The following EXOC2 variants were observed in gnomAD, a reference collection of about 807,000 sequenced individuals.
EXOC2 encodes exocyst complex component 2, also known as SEC5-like 1.
In EXOC2, 70 loss-of-function variants were observed where a neutral mutation model predicts 131.8. That is an observed-to-expected ratio of 0.53 (90% CI 0.44 to 0.65). The LOEUF (loss-of-function observed/expected upper bound fraction) is 0.65, where lower values mean the gene tolerates loss of function less well. EXOC2 is among the 30% of genes least tolerant of loss of function. EXOC2 has a pLI of 0.00. For missense variants in EXOC2, 923 were observed against 1,108.6 expected (o/e 0.83, Z 2.38); for synonymous variants, 411 against 398.4 (o/e 1.03, Z -0.38).
intron 2 of EXOC2, among the ~76,000 whole-genome samples, chr6:635,767 A>G (rs964903374): frequency 3.9e-5 from 6 of 152,270 alleles, no homozygotes; most frequent in Non-Finnish European, 7.3e-5. Flanking sequence ...CATGGTTTAG[A>G]AAAGTAATAC....
At chr6:532,378 G>T in intron 23 of EXOC2, 91 bp downstream of exon 23, 1 of 1,295,696 alleles carries the variant, frequency 7.7e-7, no homozygotes. Context: ...GTAGATATGA[G>T]AAAAATGAGA....
intron 3 of EXOC2, among the ~76,000 whole-genome samples, chr6:630,269 T>G (rs1165967859): frequency 6.6e-6 from 1 of 152,174 alleles, no homozygotes; most frequent in African/African-American, 2.4e-5. Flanking sequence ...ATTTTACAAA[T>G]AATAAACACT....
intron 23 of EXOC2, among the ~76,000 whole-genome samples, chr6:515,225 C>G (rs1262997057): frequency 6.6e-6 from 1 of 152,186 alleles, no homozygotes; most frequent in Non-Finnish European, 1.5e-5. Flanking sequence ...AACTTACTTC[C>G]ACCCCACTCC....
intron 1 of EXOC2, among the ~76,000 whole-genome samples, chr6:643,865 C>T (rs1269765720): frequency 6.6e-6 from 1 of 151,964 alleles, no homozygotes; most frequent in East Asian, 1.9e-4. Flanking sequence ...ACCATAGATA[C>T]TAAAGACATT....
intron 4 of EXOC2, among the ~76,000 whole-genome samples, chr6:623,771 G>A (rs1376238646): frequency 3.9e-5 from 6 of 152,164 alleles, no homozygotes; most frequent in African/African-American, 9.7e-5. Context: ...CAGTGATGTC[G>A]GAGGAAGGTC....
In EXOC2 at chr6:486,626, CTTATTACGTG is replaced by C; in HGVS notation, c.*35_*44del. ...TTAGGGTACTTAGAGAGTGAACAGT[CTTATTACGTG>C]TTATTTTCCTGGACTTCTTTTATGT... On this transcript the variant is annotated 3_prime_UTR_variant, in exon 28 of 28. Coordinates refer to ENST00000230449, the MANE Select transcript of EXOC2 (RefSeq NM_018303.6). 2 of 1,513,038 alleles carry C rather than the reference CTTATTACGTG, an allele frequency of 1.3e-6. No homozygotes were observed. Among genetic ancestry groups the C allele is most frequent in the South Asian group, 2.2e-5 (2 of 88,940 alleles). The allele number at this position is 1,513,038 out of a possible 1,614,324, so 93.7% of individuals were successfully genotyped here.
chr6:598,089 T>C lies in EXOC2; in HGVS notation c.1005A>G (p.Leu335=), dbSNP rs1327982604. 1 of 1,613,594 alleles carries C rather than the reference T, an allele frequency of 6.2e-7. No individual in the cohort carries two copies. The highest frequency in any genetic ancestry group is 8.5e-7 in the Non-Finnish European group (1 of 1,179,642). Residue 335 remains leucine (L), a synonymous_variant, in exon 10 of 28, where the codon TTA becomes TTG. Transcript: ENST00000230449. ...GCAATTTATCCAGAAGTAATTCTCT[T>C]AAAGCTTCAATCCTTGTTTCTACTT... ...YAEVETRIEA[L]RELLLDKLLE...
At chr6:664,797 A>G (rs1763566379) in intron 1 of EXOC2, among the ~76,000 whole-genome samples, 2 of 152,222 alleles carry the variant, frequency 1.3e-5, no homozygotes, top group Non-Finnish European at 2.9e-5. Flanking sequence ...CTCAAGGTGG[A>G]TTAAGGACTT....
chr6:617,119 T>C (rs926781812), intron 6 of EXOC2, among the ~76,000 whole-genome samples: 3 of 152,222 alleles, frequency 2.0e-5, no homozygotes, highest in Non-Finnish European at 4.4e-5. Context: ...TTAACTTTTA[T>C]TGATATAGAT....
intron 11 of EXOC2, among the ~76,000 whole-genome samples, chr6:580,242 A>G (rs971334912): frequency 6.6e-6 from 1 of 152,268 alleles, no homozygotes; most frequent in East Asian, 1.9e-4. Flanking sequence ...GGGTTTCACT[A>G]TGTTGGCCAG....
At chr6:570,638 A>T (rs1262252102) in intron 13 of EXOC2, among the ~76,000 whole-genome samples, 1 of 152,228 alleles carries the variant, frequency 6.6e-6, no homozygotes, top group African/African-American at 2.4e-5. Flanking sequence ...ACTCTTACTT[A>T]TCTGTCAGAC....
chr6:561,306 G>A (rs1174698581), intron 17 of EXOC2, among the ~76,000 whole-genome samples: 1 of 152,130 alleles, frequency 6.6e-6, no homozygotes, highest in African/African-American at 2.4e-5. Context: ...TTCCACCAAT[G>A]GTGGAACTGG....
At chr6:522,142 C>A (rs1263025194) in intron 23 of EXOC2, among the ~76,000 whole-genome samples, 2 of 152,226 alleles carry the variant, frequency 1.3e-5, no homozygotes, top group East Asian at 3.8e-4. Flanking sequence ...AGAGGAGACA[C>A]AAGCAGGAGG....
intron 15 of EXOC2, 91 bp downstream of exon 15, chr6:564,454 A>C: frequency 6.6e-7 from 1 of 1,515,548 alleles, no homozygotes; most frequent in Non-Finnish European, 9.0e-7. Context: ...AAGAAAAAGA[A>C]GAATTTCTTC....
chr6:488,213 C>T (rs1763200145), intron 27 of EXOC2, among the ~76,000 whole-genome samples: 1 of 152,202 alleles, frequency 6.6e-6, no homozygotes, highest in African/African-American at 2.4e-5. Context: ...CCCCATGGCC[C>T]AGCCTATGTG....
At chr6:577,182 C>T (rs1758631550) in intron 11 of EXOC2, among the ~76,000 whole-genome samples, 2 of 152,148 alleles carry the variant, frequency 1.3e-5, no homozygotes, top group Admixed American at 1.3e-4. Context: ...TCAGAATCTT[C>T]TGTTTCTTTA....
intron 1 of EXOC2, among the ~76,000 whole-genome samples, chr6:685,663 T>G (rs1021313061): frequency 2.6e-5 from 4 of 152,132 alleles, no homozygotes; most frequent in African/African-American, 7.2e-5. Context: ...GTTTTCCAAA[T>G]TAATCCTCTT....
At chr6:565,068 TC>T in intron 13 of EXOC2, 139 bp from the exon 14 acceptor site, 1 of 607,296 alleles carries the variant, frequency 1.6e-6, no homozygotes, top group Non-Finnish European at 2.5e-6. Flanking sequence ...AATCTATGTT[TC>T]TGATTAAAGA....
chr6:641,447 G>A (rs958367435), intron 1 of EXOC2, among the ~76,000 whole-genome samples: 2 of 152,164 alleles, frequency 1.3e-5, no homozygotes, highest in African/African-American at 4.8e-5. Flanking sequence ...ATTCCAGAAA[G>A]ACCATGGGAT....
Sources: gnomAD v4.1 joint callset for allele counts (sites outside exome capture counted in the v4.1 genomes callset) on GRCh38, gnomAD v4.1.1 for gene constraint, MANE v1.5 for transcripts, NCBI Gene and HGNC (gene_info 2026-07-23, HGNC 2026-07-21) for gene names.